Variants in NOL4 observed in about 807,000 individuals in gnomAD.
NOL4 encodes the protein nucleolar protein 4, also known as cancer/testis antigen 125.
In NOL4, 17 loss-of-function variants were observed where a neutral mutation model predicts 75.9. The ratio of observed to expected loss-of-function variants is 0.22; its 90% CI spans 0.15 to 0.34. NOL4 has a LOEUF of 0.34. Ranked by LOEUF, NOL4 falls within the 10% of genes least tolerant of loss-of-function variation. The pLI, the probability that NOL4 is intolerant of heterozygous loss-of-function variation, is 1.00. For missense variants in NOL4, 614 were observed against 793.5 expected (o/e 0.77, Z 2.72); for synonymous variants, 292 against 289.9 (o/e 1.01, Z -0.07).
intron 6 of NOL4, among the ~76,000 whole-genome samples, chr18:34,013,320 TTAC>T (rs757265862): frequency 6.0e-5 from 9 of 151,106 alleles, no homozygotes; most frequent in African/African-American, 2.0e-4. Context: ...AACTACCACC[TTAC>T]TAAGGCAAGT....
intron 1 of NOL4, among the ~76,000 whole-genome samples, chr18:34,172,661 T>G (rs2033159947): frequency 6.6e-6 from 1 of 152,098 alleles, no homozygotes; most frequent in South Asian, 2.1e-4. Context: ...CAAGGTTCCC[T>G]TTTCTCCATA....
At chr18:34,091,766 A>G (rs1039932511) in intron 5 of NOL4, among the ~76,000 whole-genome samples, 13 of 152,210 alleles carry the variant, frequency 8.5e-5, no homozygotes, top group African/African-American at 2.4e-4. Flanking sequence ...GGATCACTGC[A>G]AGAGAAAACT....
At chr18:33,864,772 A>T (rs1041157178) in intron 10 of NOL4, among the ~76,000 whole-genome samples, 1 of 152,176 alleles carries the variant, frequency 6.6e-6, no homozygotes, top group African/African-American at 2.4e-5. Flanking sequence ...TTATAAAGGA[A>T]AGAGGTTTAA....
chr18:33,999,376 GTTA>G lies in NOL4; in HGVS notation c.1056+19939_1056+19941del, dbSNP rs944922023. Reference sequence around the variant, plus strand: ...ATATACTCACAATAATGGTTACATTGTTATTATGAATATAACACACTAAGAAAT... The same window carrying G: ...ATATACTCACAATAATGGTTACATTGTTATGAATATAACACACTAAGAAAT... On this transcript the variant is annotated intron_variant, in intron 6 of 10. Transcript: ENST00000261592. Among the ~76,000 whole-genome samples, 17 of 151,632 alleles carry G rather than the reference GTTA, an allele frequency of 1.1e-4. No homozygotes were observed. The East Asian group carries it at 1.2e-3, about 10-fold the overall frequency.
At chr18:34,190,781 T>C (rs955347905) in intron 1 of NOL4, among the ~76,000 whole-genome samples, 1 of 151,812 alleles carries the variant, frequency 6.6e-6, no homozygotes, top group African/African-American at 2.4e-5. Context: ...TTTATTACAA[T>C]TGTATATTTA....
At chr18:34,193,751 G>GA (rs1482409399) in intron 1 of NOL4, among the ~76,000 whole-genome samples, 3 of 152,100 alleles carry the variant, frequency 2.0e-5, no homozygotes, top group African/African-American at 7.2e-5. Flanking sequence ...CCAAGGAAAT[G>GA]AAATCATAAT....
intron 9 of NOL4, among the ~76,000 whole-genome samples, chr18:33,901,022 G>A (rs2065718153): frequency 6.6e-6 from 1 of 152,132 alleles, no homozygotes; most frequent in Non-Finnish European, 1.5e-5. Context: ...TGCTTTGCAA[G>A]TTCATGTGAA....
chr18:33,873,770 T>A (rs17747521), intron 10 of NOL4, among the ~76,000 whole-genome samples: 19,789 of 152,008 alleles, frequency 0.13, 1,422 homozygotes, highest in Non-Finnish European at 0.17. Flanking sequence ...GTTTTAAAAA[T>A]GTCACCTTGC....
At chr18:34,083,743 C>T (rs2078116566) in intron 5 of NOL4, among the ~76,000 whole-genome samples, 1 of 152,154 alleles carries the variant, frequency 6.6e-6, no homozygotes, top group Non-Finnish European at 1.5e-5. Flanking sequence ...TTCACTTTAA[C>T]ATACCAAAGC....
intron 2 of NOL4, among the ~76,000 whole-genome samples, chr18:34,106,969 G>C (rs1238419529): frequency 1.3e-5 from 2 of 151,974 alleles, no homozygotes; most frequent in African/African-American, 4.8e-5. Flanking sequence ...TTAGGTAAAG[G>C]CTCCATTGGT....
chr18:34,183,808 G>GC (rs1241803149), intron 1 of NOL4, among the ~76,000 whole-genome samples: 7 of 151,852 alleles, frequency 4.6e-5, no homozygotes, highest in Admixed American at 1.3e-4. Flanking sequence ...GGTTAGAGGA[G>GC]CTGTCTACAA....
At chr18:34,046,079 T>C (rs2076350411) in intron 5 of NOL4, among the ~76,000 whole-genome samples, 1 of 152,120 alleles carries the variant, frequency 6.6e-6, no homozygotes, top group South Asian at 2.1e-4. Flanking sequence ...TGTCTATTCC[T>C]TCCTCTTGCC....
chr18:34,049,869 T>C (rs1216125755), intron 5 of NOL4, among the ~76,000 whole-genome samples: 5 of 152,144 alleles, frequency 3.3e-5, no homozygotes, highest in Non-Finnish European at 7.4e-5. Context: ...TCAGATTCAA[T>C]GCCACATTGG....
rs1472483804 is a variant in NOL4 at position 34,130,009 on chromosome 18, C to G, written c.276G>C (p.Gly92=). ...GTCGTAAAGATAGCTTCTCATCTAC[C>G]CCTACGCCATCCTGGAAACAAAACA... ...YVPVKTTDGV[G]VDEKLSLRRV... The change falls in exon 2 of 11, where the codon GGG becomes GGC. Residue 92 remains glycine, a synonymous_variant. Coordinates refer to ENST00000261592, the MANE Select transcript of NOL4 (RefSeq NM_003787.5). 8.9e-6 allele frequency: 14 copies of G among 1,568,318 alleles called. No homozygotes were observed. Among genetic ancestry groups the G allele is most frequent in the Non-Finnish European group, 1.1e-5 (13 of 1,158,270 alleles).
intron 5 of NOL4, among the ~76,000 whole-genome samples, chr18:34,082,200 T>C (rs1046074081): frequency 3.6e-4 from 55 of 152,154 alleles, no homozygotes; most frequent in African/African-American, 1.3e-3. Context: ...TAGGATATAA[T>C]AAATGCGGTG....
At chr18:34,207,148 G>A (rs577958075) in intron 1 of NOL4, among the ~76,000 whole-genome samples, 12 of 152,134 alleles carry the variant, frequency 7.9e-5, no homozygotes, top group Non-Finnish European at 1.6e-4. Flanking sequence ...TATGTTAGCT[G>A]CCTTTAAATC....
rs192529421 is a variant in NOL4 at position 33,940,931 on chromosome 18, A to G, written c.1542+2134T>C. Among the ~76,000 whole-genome samples, 148 of 152,000 alleles carry G rather than the reference A, an allele frequency of 9.7e-4. 1 individual carries two copies. Among genetic ancestry groups the G allele is most frequent in the African/African-American group, 3.5e-3 (145 of 41,494 alleles). On this transcript the variant is annotated intron_variant, in intron 9 of 10. Coordinates refer to ENST00000261592, the MANE Select transcript of NOL4 (RefSeq NM_003787.5). ...AGTCCCATTTTTAATTATTTTTAGA[A>G]GTTTTTCTTCAGTGGGTAGAAAGTC...
chr18:34,212,539 C>T (rs1226052364), intron 1 of NOL4, among the ~76,000 whole-genome samples: 1 of 152,168 alleles, frequency 6.6e-6, no homozygotes, highest in African/African-American at 2.4e-5. Context: ...TACAACTTCT[C>T]AAACATTATC....
chr18:33,953,763 A>AT (rs2069424600), intron 8 of NOL4, among the ~76,000 whole-genome samples: 2 of 152,158 alleles, frequency 1.3e-5, no homozygotes, highest in African/African-American at 4.8e-5. Flanking sequence ...GACATTTGGA[A>AT]TTAAATACCA....
Sources: gnomAD v4.1 joint callset for allele counts (sites outside exome capture counted in the v4.1 genomes callset) on GRCh38, gnomAD v4.1.1 for gene constraint, MANE v1.5 for transcripts, NCBI Gene and HGNC (gene_info 2026-07-23, HGNC 2026-07-21) for gene names.